The following FILIP1L variants were observed in gnomAD, a reference collection of about 807,000 sequenced individuals.
FILIP1L encodes filamin A-interacting protein 1-like.
Under a neutral mutation model 96.6 loss-of-function variants are expected in FILIP1L, and 55 were observed. The ratio of observed to expected loss-of-function variants is 0.57; its 90% CI spans 0.46 to 0.71. The LOEUF (loss-of-function observed/expected upper bound fraction) is 0.71, where lower values mean the gene tolerates loss of function less well. Among genes scored for constraint, FILIP1L ranks in the 30% least tolerant of loss-of-function variants. FILIP1L has a pLI of 0.00. For missense variants in FILIP1L, 1,304 were observed against 1,321.2 expected, an observed-to-expected ratio of 0.99 and a Z score of 0.20; for synonymous variants, 467 against 473.9, an observed-to-expected ratio of 0.99 and a Z score of 0.19.
intron 1 of FILIP1L, among the ~76,000 whole-genome samples, chr3:100,083,455 T>C (rs1389557685): frequency 6.6e-6 from 1 of 152,230 alleles, no homozygotes; most frequent in Non-Finnish European, 1.5e-5. Flanking sequence ...CAGTGATCTG[T>C]ATTTTAGCAA....
intron 1 of FILIP1L, among the ~76,000 whole-genome samples, chr3:100,104,252 T>G (rs1213479889): frequency 6.6e-6 from 1 of 152,128 alleles, no homozygotes; most frequent in Non-Finnish European, 1.5e-5. Flanking sequence ...GACTGACTGG[T>G]AGGAGGCCCC....
intron 1 of FILIP1L, chr3:100,025,705 A>G (rs1413740031): frequency 6.6e-6 from 1 of 152,144 alleles, no homozygotes; most frequent in East Asian, 1.9e-4. Flanking sequence ...GTTACCAGGC[A>G]CTTTATTCTA....
At chr3:99,962,528 A>G (rs1708524134) in intron 1 of FILIP1L, among the ~76,000 whole-genome samples, 2 of 152,208 alleles carry the variant, frequency 1.3e-5, no homozygotes, top group Non-Finnish European at 1.5e-5. Flanking sequence ...CAGCAACAAT[A>G]TGTTTGGAGA....
At chr3:99,872,107 G>A (rs1289802304) in intron 4 of FILIP1L, among the ~76,000 whole-genome samples, 1 of 152,062 alleles carries the variant, frequency 6.6e-6, no homozygotes, top group East Asian at 1.9e-4. Context: ...GTGAGCTGTA[G>A]CCCAAGAATG....
At chr3:99,935,650 G>A (rs1707641380) in intron 1 of FILIP1L, among the ~76,000 whole-genome samples, 1 of 152,220 alleles carries the variant, frequency 6.6e-6, no homozygotes, top group South Asian at 2.1e-4. Flanking sequence ...TGATAGCAGG[G>A]TTAGGACCTG....
Position 100,110,663 on chromosome 3 carries a change from A to G in FILIP1L, c.-11+3390T>C, listed in dbSNP as rs72936564. Among the ~76,000 whole-genome samples, 707 of 152,298 alleles carry G rather than the reference A, an allele frequency of 4.6e-3. 6 individuals are homozygous for G. Among genetic ancestry groups the G allele is most frequent in the African/African-American group, 0.016 (678 of 41,574 alleles). Reference sequence around the variant, plus strand: ...CTATGTGGCTTAACTCTCAAAATCCATCAGAAAAACCTTCTCCATTCACTG... The same window carrying G: ...CTATGTGGCTTAACTCTCAAAATCCGTCAGAAAAACCTTCTCCATTCACTG... On this transcript the variant is annotated intron_variant, in intron 1 of 5. Coordinates refer to ENST00000477258, the MANE Select transcript of FILIP1L (RefSeq NM_001387850.1).
At chr3:99,884,386 G>A (rs1021103) in intron 4 of FILIP1L, among the ~76,000 whole-genome samples, 28,296 of 152,062 alleles carry the variant, frequency 0.19, 2,971 homozygotes, top group South Asian at 0.25. Flanking sequence ...TTCATGTATT[G>A]CTGATTTCTG....
chr3:99,845,830 A>G (rs1369399241), intron 5 of FILIP1L, among the ~76,000 whole-genome samples: 1 of 152,072 alleles, frequency 6.6e-6, no homozygotes, highest in Non-Finnish European at 1.5e-5. Context: ...ATGCTGATAC[A>G]AATTATTATA....
chr3:100,006,830 G>T (rs754045481), intron 1 of FILIP1L, among the ~76,000 whole-genome samples: 2 of 152,198 alleles, frequency 1.3e-5, no homozygotes, highest in Non-Finnish European at 2.9e-5. Context: ...TTGATGGGTA[G>T]AACTGTGCAT....
chr3:99,971,607 C>T (rs1297009821), intron 1 of FILIP1L, among the ~76,000 whole-genome samples: 3 of 152,216 alleles, frequency 2.0e-5, no homozygotes, highest in Non-Finnish European at 4.4e-5. Context: ...CTTGTAGCCA[C>T]TCCCTGATCT....
At position 99,851,044 on chromosome 3, in the gene FILIP1L, A is replaced by G; in HGVS notation, c.632T>C (p.Ile211Thr). ...TTGCTCCTTCTCCTCCTGAGACTTG[A>G]TTTCTTGATCAATTAGCTTCTTTAA... ...ERLKKLIDQE[I>T]KSQEEKEQEK... The change falls in exon 5 of 6, where the codon ATC becomes ACC. Residue 211 changes from isoleucine (I) to threonine (T), a missense_variant. By Grantham distance (89) the Ile-to-Thr change is moderately conservative. Coordinates refer to ENST00000477258, the MANE Select transcript of FILIP1L (RefSeq NM_001387850.1). The G allele has an allele frequency of 1.9e-6, 3 of 1,594,948 alleles. No homozygotes were observed. Among genetic ancestry groups the G allele is most frequent in the Non-Finnish European group, 2.6e-6 (3 of 1,174,544 alleles).
chr3:99,892,563 T>C (rs143739729), intron 4 of FILIP1L, among the ~76,000 whole-genome samples: 18 of 152,320 alleles, frequency 1.2e-4, no homozygotes, highest in African/African-American at 4.3e-4. Flanking sequence ...CTCTTCCCTT[T>C]GATGGCTTCA....
At chr3:100,088,528 G>T (rs1282094623) in intron 1 of FILIP1L, among the ~76,000 whole-genome samples, 1 of 152,134 alleles carries the variant, frequency 6.6e-6, no homozygotes, top group Non-Finnish European at 1.5e-5. Context: ...TGAATATTCT[G>T]CACATTAATA....
chr3:99,840,742 A>G (rs1478100485), intron 5 of FILIP1L, among the ~76,000 whole-genome samples: 1 of 152,224 alleles, frequency 6.6e-6, no homozygotes, highest in African/African-American at 2.4e-5. Flanking sequence ...TGTGATCTTA[A>G]AGATCACCAA....
chr3:99,837,987 G>A (rs186181827), intron 5 of FILIP1L, among the ~76,000 whole-genome samples: 9 of 152,260 alleles, frequency 5.9e-5, no homozygotes, highest in Middle Eastern at 3.4e-3. Flanking sequence ...TGTTCCTTCC[G>A]TGAATCATTT....
chr3:100,043,336 T>C (rs2107297073), intron 1 of FILIP1L, among the ~76,000 whole-genome samples: 1 of 152,348 alleles, frequency 6.6e-6, no homozygotes, highest in African/African-American at 2.4e-5. Context: ...TGAAAGTCTC[T>C]CTGTCTCTGT....
At chr3:99,875,988 C>G in intron 4 of FILIP1L, 1 of 906,172 alleles carries the variant, frequency 1.1e-6, no homozygotes, top group Non-Finnish European at 1.3e-6. Flanking sequence ...GCTGAGACAG[C>G]TTTAACAGCC....
At chr3:100,070,783 C>A (rs2065748222) in intron 1 of FILIP1L, among the ~76,000 whole-genome samples, 1 of 152,162 alleles carries the variant, frequency 6.6e-6, no homozygotes, top group Non-Finnish European at 1.5e-5. Flanking sequence ...AGGCATGTGC[C>A]ACCATGCCTG....
Position 99,849,036 on chromosome 3 carries a change from A to T in FILIP1L, c.2640T>A (p.Thr880=). 1 of 1,614,002 alleles carries T rather than the reference A, an allele frequency of 6.2e-7. No homozygotes were observed. ...GTTGCACAAAGTTGGCATTGGGTTT[A>T]GTTTGCATTTTTCCATTCTGAAGAT... is the stretch of plus-strand genomic sequence containing the variant. ...EGHLQNGKMQ[T]KPNANFVQPG... is the part of the protein sequence containing the mutation. The change falls in exon 5 of 6, where the codon ACT becomes ACA. Residue 880 remains threonine (T), a synonymous_variant. Coordinates refer to ENST00000477258, the MANE Select transcript of FILIP1L (RefSeq NM_001387850.1).
Sources: gnomAD v4.1 joint callset for allele counts (sites outside exome capture counted in the v4.1 genomes callset) on GRCh38, gnomAD v4.1.1 for gene constraint, MANE v1.5 for transcripts, NCBI Gene and HGNC (gene_info 2026-07-23, HGNC 2026-07-21) for gene names.